The following BIRC6 variants were observed in gnomAD, a reference collection of about 807,000 sequenced individuals.
BIRC6 encodes the protein dual E2 ubiquitin-conjugating enzyme/E3 ubiquitin-protein ligase BIRC6.
BIRC6 carries 98 observed loss-of-function variants against 503.3 expected under a neutral mutation model. The ratio of observed to expected loss-of-function variants is 0.19; its 90% confidence interval spans 0.17 to 0.23. BIRC6 has a LOEUF of 0.23. Among genes scored for constraint, BIRC6 ranks in the 10% least tolerant of loss-of-function variants. The probability of loss-of-function intolerance (pLI) is 1.00; values close to 1 mark genes in which losing one functional copy is unlikely to be tolerated. For synonymous variants in BIRC6, 2,240 were observed against 2,078.7 expected (o/e 1.08, Z -2.11); for missense variants, 5,360 against 5,806.0 (o/e 0.92, Z 2.50).
Position 32,442,221 on chromosome 2 carries a change from C to T in BIRC6, c.4101C>T (p.Pro1367=), listed in dbSNP as rs34139419. The change falls in exon 18 of 74, where the codon CCC becomes CCT. Residue 1367 remains proline, a synonymous_variant. Coordinates refer to ENST00000421745, the MANE Select transcript of BIRC6 (RefSeq NM_016252.4). The part of the protein sequence containing the change: ...CWLAGVHSNG[P]GSSKEGNENL... ...TAGCTGGAGTTCATTCAAATGGACCCGGAAGGTTAATAATTAAAATTTTGC... is the reference window on the plus strand; with the variant it reads ...TAGCTGGAGTTCATTCAAATGGACCTGGAAGGTTAATAATTAAAATTTTGC... The T allele has an allele frequency of 3.5e-3, 5,666 of 1,603,612 alleles. 180 individuals are homozygous for T. The African/African-American group carries it at 0.069, about 20-fold the overall frequency.
chr2:32,599,713 A>G (rs778527886), intron 69 of BIRC6, 26 bp from the exon 70 acceptor site: 3 of 1,597,778 alleles, frequency 1.9e-6, no homozygotes, highest in South Asian at 2.2e-5. Context: ...GTTAACATAG[A>G]CTTTTGTATG....
intron 57 of BIRC6, among the ~76,000 whole-genome samples, chr2:32,520,398 T>G (rs1038138448): frequency 6.6e-6 from 1 of 152,216 alleles, no homozygotes; most frequent in Non-Finnish European, 1.5e-5. Context: ...TAAAAAAAAT[T>G]TATTTGAAAA....
Position 32,473,706 on chromosome 2 carries a change from C to CATGT in BIRC6, c.6720+467_6720+468insATGT, listed in dbSNP as rs1491452408. 3.0e-3 allele frequency among the ~76,000 whole-genome samples: 216 copies of CATGT among 72,682 alleles called. 2 individuals are homozygous for CATGT. Among genetic ancestry groups the CATGT allele is most frequent in the African/African-American group, 0.012 (212 of 18,078 alleles). 47.7% of individuals were successfully genotyped at this position (72,682 alleles called of 152,430 possible). A position where few individuals can be genotyped will look rare whatever the true frequency, so the allele number is the denominator to read the frequency against. On this transcript the variant is annotated intron_variant, in intron 33 of 73. Transcript: ENST00000421745. ...TTTCCATGTCTTTTTTCTCCTTTTT[C>CATGT]GTGTGTGTGTGTGTGTGTGTGTGTG...
In BIRC6 at chr2:32,448,814, C is replaced by G; in HGVS notation, c.4504C>G (p.Pro1502Ala). ...LQTRYGLYSS[P>A]FDPVLFDLEM... ...TTTCAGATATGGATTATATAGCTCA[C>G]CATTTGATCCAGTCCTCTTTGATTT... The change falls in exon 22 of 74, where the codon CCA becomes GCA. Residue 1502 changes from proline (P) to alanine (A), a missense_variant. Physicochemically the swap from Pro to Ala is conservative, Grantham distance 27 (BLOSUM62 -1). Transcript: ENST00000421745. The G allele has an allele frequency of 1.9e-6, 3 of 1,611,810 alleles. No homozygotes were observed. The highest frequency in any genetic ancestry group is 2.5e-6 in the Non-Finnish European group (3 of 1,179,230).
intron 72 of BIRC6, among the ~76,000 whole-genome samples, chr2:32,608,651 A>G (rs2062640037): frequency 6.6e-6 from 1 of 152,120 alleles, no homozygotes; most frequent in Non-Finnish European, 1.5e-5. Context: ...TCCTGACCTC[A>G]GGTGATCCAC....
chr2:32,551,383 A>G (rs996685886), intron 65 of BIRC6, among the ~76,000 whole-genome samples: 26 of 152,104 alleles, frequency 1.7e-4, no homozygotes, highest in African/African-American at 6.3e-4. Context: ...CTCAGGTTCA[A>G]GCAATTCTCC....
chr2:32,479,804 A>C (rs939456659), intron 37 of BIRC6, among the ~76,000 whole-genome samples, 187 bp downstream of exon 37: 17 of 152,220 alleles, frequency 1.1e-4, no homozygotes, highest in African/African-American at 4.1e-4. Flanking sequence ...AAAATGCTAT[A>C]ATTTCATAAT....
intron 64 of BIRC6, 147 bp downstream of exon 64, chr2:32,548,161 G>T: frequency 1.6e-6 from 1 of 635,344 alleles, no homozygotes; most frequent in South Asian, 3.6e-5. Flanking sequence ...AGATACCACT[G>T]GATAAAGATT....
intron 45 of BIRC6, among the ~76,000 whole-genome samples, chr2:32,494,232 CT>C (rs201204825): frequency 2.8e-3 from 401 of 143,666 alleles, no homozygotes; most frequent in Middle Eastern, 3.6e-3. Flanking sequence ...CTGATGAAAA[CT>C]TTTTTTTTTT....
At chr2:32,570,346 G>A (rs1007167518) in intron 65 of BIRC6, among the ~76,000 whole-genome samples, 2 of 151,976 alleles carry the variant, frequency 1.3e-5, no homozygotes, top group African/African-American at 4.8e-5. Flanking sequence ...TGTGAGACTG[G>A]CTAATTTTTT....
intron 55 of BIRC6, among the ~76,000 whole-genome samples, chr2:32,516,606 AGTG>A: frequency 6.6e-6 from 1 of 151,156 alleles, no homozygotes. Flanking sequence ...AAAAAAAAAA[AGTG>A]GAAGATAATT....
chr2:32,543,730 G>A (rs2254106), intron 62 of BIRC6, among the ~76,000 whole-genome samples, 189 bp downstream of exon 62: 68,283 of 151,954 alleles, frequency 0.45, 15,649 homozygotes, highest in African/African-American at 0.54. Context: ...TCATCTCTGT[G>A]TTCATTCAAA....
intron 26 of BIRC6, among the ~76,000 whole-genome samples, chr2:32,466,701 T>G (rs1357962645): frequency 2.6e-5 from 4 of 152,270 alleles, no homozygotes; most frequent in African/African-American, 7.2e-5. Context: ...ATTTGCTGAT[T>G]TAATTTTTTA....
At chr2:32,569,968 A>C (rs2059810152) in intron 65 of BIRC6, among the ~76,000 whole-genome samples, 1 of 152,006 alleles carries the variant, frequency 6.6e-6, no homozygotes. Flanking sequence ...ATGTTGAATA[A>C]GAGTGGTGAA....
chr2:32,549,321 C>A lies in BIRC6; in HGVS notation c.12984C>A (p.Ala4328=). Residue 4328 remains alanine (A), a synonymous_variant, in exon 65 of 74, where the codon GCC becomes GCA. Coordinates refer to ENST00000421745, the MANE Select transcript of BIRC6 (RefSeq NM_016252.4). ...EHVTCLLQVL[A]SYINPVSSAV... ...ATTTCAACAATTTTTAGGTTCTTGC[C>A]AGTTACATAAATCCCGTCAGTAGTG... 2 of 1,445,656 alleles carry A rather than the reference C, an allele frequency of 1.4e-6. No homozygotes were observed. The highest frequency in any genetic ancestry group is 1.6e-5 in the South Asian group (1 of 61,442). The allele number at this position is 1,445,656 out of a possible 1,614,324, so 89.6% of individuals were successfully genotyped here.
chr2:32,510,073 A>G, intron 52 of BIRC6, 79 bp downstream of exon 52: 2 of 1,476,206 alleles, frequency 1.4e-6, no homozygotes, highest in Non-Finnish European at 9.2e-7. Flanking sequence ...TTCGTGCTTA[A>G]CTCTGTTTTG....
At chr2:32,451,686 T>A (rs150224025) in intron 22 of BIRC6, among the ~76,000 whole-genome samples, 461 of 152,338 alleles carry the variant, frequency 3.0e-3, no homozygotes, top group Middle Eastern at 3.4e-3. Flanking sequence ...GCTGAACTAC[T>A]TGCTTGTTTC....
chr2:32,566,656 A>G (rs72785599), intron 65 of BIRC6, among the ~76,000 whole-genome samples: 6,194 of 152,224 alleles, frequency 0.041, 175 homozygotes, highest in Non-Finnish European at 0.065. Flanking sequence ...TCCAGCTCAC[A>G]TATTTTTTTA....
rs770867364 is a variant in BIRC6 at position 32,491,565 on chromosome 2, T to C, written c.8340+7T>C. On this transcript the variant is annotated splice_region_variant and intron_variant, in intron 44 of 73. Coordinates refer to ENST00000421745, the MANE Select transcript of BIRC6 (RefSeq NM_016252.4). ...AAATCAACACAGTCCACAGGTAATA[T>C]GATGTTTAGCCTGGCATATGCCCAG... 4.3e-6 allele frequency: 7 copies of C among 1,612,072 alleles called. No individual in the cohort carries two copies. Among genetic ancestry groups the C allele is most frequent in the Non-Finnish European group, 5.9e-6 (7 of 1,179,258 alleles).
Sources: allele counts gnomAD v4.1 joint callset (sites outside exome capture counted in the v4.1 genomes callset), GRCh38; gene constraint gnomAD v4.1.1; transcripts MANE v1.5; gene names NCBI Gene and HGNC (gene_info 2026-07-23, HGNC 2026-07-21).